Variants in SYT9 observed in about 807,000 individuals in gnomAD.
SYT9 encodes the protein synaptotagmin 9.
In SYT9, 22 loss-of-function variants were observed where a neutral mutation model predicts 48.4. That is an observed-to-expected ratio of 0.45 (90% confidence interval 0.32 to 0.65). The LOEUF (loss-of-function observed/expected upper bound fraction) is 0.65, where lower values mean the gene tolerates loss of function less well. Ranked by LOEUF, SYT9 falls within the 30% of genes least tolerant of loss-of-function variation. SYT9 has a pLI of 0.03. For missense variants in SYT9, 577 were observed against 622.0 expected, an observed-to-expected ratio of 0.93 and a Z score of 0.77; for synonymous variants, 265 against 245.0, an observed-to-expected ratio of 1.08 and a Z score of -0.76.
At chr11:7,314,592 G>A (rs7939239) in intron 3 of SYT9, among the ~76,000 whole-genome samples, 30,245 of 152,126 alleles carry the variant, frequency 0.2, 3,499 homozygotes, top group Non-Finnish European at 0.26. Flanking sequence ...GGTACCATAC[G>A]TCTATGTCTA....
chr11:7,245,753 A>G (rs929338898), intron 1 of SYT9, among the ~76,000 whole-genome samples: 20 of 152,212 alleles, frequency 1.3e-4, no homozygotes, highest in African/African-American at 4.6e-4. Flanking sequence ...CCCTTTTATA[A>G]CAGCATAATT....
intron 3 of SYT9, among the ~76,000 whole-genome samples, chr11:7,330,002 T>G (rs1849499223): frequency 6.6e-6 from 1 of 152,160 alleles, no homozygotes; most frequent in Non-Finnish European, 1.5e-5. Context: ...TATCCTTGTT[T>G]TCCTTATTTT....
At chr11:7,310,753 G>A (rs1008186417) in intron 2 of SYT9, among the ~76,000 whole-genome samples, 1 of 152,022 alleles carries the variant, frequency 6.6e-6, no homozygotes, top group African/African-American at 2.4e-5. Flanking sequence ...GCTTGTGATT[G>A]GTTTTTAAGA....
chr11:7,283,655 A>G (rs1564846763), intron 1 of SYT9, among the ~76,000 whole-genome samples: 1 of 152,192 alleles, frequency 6.6e-6, no homozygotes, highest in Admixed American at 6.5e-5. Flanking sequence ...ACTGATCCCA[A>G]TCGCATTAGC....
chr11:7,252,315 C>G lies in SYT9; in HGVS notation c.129C>G (p.Pro43=). 1 of 1,497,270 alleles carries G rather than the reference C, an allele frequency of 6.7e-7. No individual in the cohort carries two copies. Among genetic ancestry groups the G allele is most frequent in the Non-Finnish European group, 8.9e-7 (1 of 1,122,260 alleles). 92.7% of individuals were successfully genotyped at this position (1,497,270 alleles called of 1,614,324 possible). A position where few individuals can be genotyped will look rare whatever the true frequency, so the allele number is the denominator to read the frequency against. Residue 43 remains proline, a synonymous_variant, in exon 1 of 7, where the codon CCC becomes CCG. Transcript: ENST00000318881. The surrounding 1 kb of genome is among the most constrained non-coding windows in gnomAD (Gnocchi z 6.3). ...ACCACCTGCGGGACCGTGCCAGACC[C>G]CGGCTCCGCGACCCAGGTGAGTGCC... ...FIYHLRDRAR[P]RLRDPDISVS... is the part of the protein sequence containing the mutation.
intron 1 of SYT9, among the ~76,000 whole-genome samples, chr11:7,294,116 CTT>C (rs1360472116): frequency 1.3e-5 from 2 of 152,168 alleles, no homozygotes; most frequent in Non-Finnish European, 2.9e-5. Flanking sequence ...AGGGAACTCT[CTT>C]AAGTCTCTTT....
chr11:7,445,973 A>G (rs1847921798), intron 6 of SYT9, among the ~76,000 whole-genome samples: 1 of 152,236 alleles, frequency 6.6e-6, no homozygotes, highest in South Asian at 2.1e-4. Flanking sequence ...TGAAGTTACT[A>G]AAAAGCCCAG....
intron 1 of SYT9, among the ~76,000 whole-genome samples, chr11:7,270,513 T>A (rs917674692): frequency 6.6e-6 from 1 of 152,190 alleles, no homozygotes; most frequent in Non-Finnish European, 1.5e-5. Flanking sequence ...TGCTAATCAG[T>A]GAATTTCAAA....
At chr11:7,306,843 C>G (rs180862780) in intron 2 of SYT9, among the ~76,000 whole-genome samples, 17 of 152,304 alleles carry the variant, frequency 1.1e-4, no homozygotes, top group African/African-American at 2.9e-4. Context: ...TTGTACTCCC[C>G]TCTAGACTGA....
At chr11:7,240,250 A>C (rs1333035237) in intron 1 of SYT9, among the ~76,000 whole-genome samples, 1 of 152,150 alleles carries the variant, frequency 6.6e-6, no homozygotes, top group Non-Finnish European at 1.5e-5. Context: ...ACCCCATTCC[A>C]TTCCTGGCTG....
intron 3 of SYT9, among the ~76,000 whole-genome samples, chr11:7,339,923 T>A (rs772292837): frequency 1.3e-5 from 2 of 152,212 alleles, no homozygotes; most frequent in Non-Finnish European, 2.9e-5. Flanking sequence ...TTGGGGAAGT[T>A]TTCATGGACA....
At chr11:7,349,773 C>T (rs535077140) in intron 3 of SYT9, among the ~76,000 whole-genome samples, 7 of 152,296 alleles carry the variant, frequency 4.6e-5, no homozygotes, top group East Asian at 1.9e-4. Context: ...GTTCATTACT[C>T]GCCTAAGGCC....
At chr11:7,251,339 G>T (rs1229725029), upstream of SYT9, among the ~76,000 whole-genome samples, 1 of 152,142 alleles carries the variant, frequency 6.6e-6, no homozygotes, top group Non-Finnish European at 1.5e-5. Context: ...AAGCCTCAGG[G>T]TCTTTCCCAG....
chr11:7,297,311 C>G (rs1848832581), intron 1 of SYT9, among the ~76,000 whole-genome samples: 1 of 152,106 alleles, frequency 6.6e-6, no homozygotes, highest in Admixed American at 6.5e-5. Flanking sequence ...ATATAATAAA[C>G]TCCATGTACT....
chr11:7,352,556 G>A (rs566992696), intron 3 of SYT9, among the ~76,000 whole-genome samples: 37 of 152,340 alleles, frequency 2.4e-4, no homozygotes, highest in African/African-American at 8.9e-4. Flanking sequence ...AATAACAGAA[G>A]TGAAGCGTTA....
chr11:7,319,921 A>T (rs369240845), intron 3 of SYT9, among the ~76,000 whole-genome samples: 35 of 152,304 alleles, frequency 2.3e-4, no homozygotes, highest in African/African-American at 7.7e-4. Flanking sequence ...CTGGTCCGTC[A>T]GCTCTGCTAC....
intron 3 of SYT9, among the ~76,000 whole-genome samples, chr11:7,341,117 A>T (rs771102230): frequency 6.6e-6 from 1 of 152,124 alleles, no homozygotes; most frequent in Non-Finnish European, 1.5e-5. Context: ...GGGAGATTCT[A>T]CCCAGTGAAG....
intron 6 of SYT9, among the ~76,000 whole-genome samples, chr11:7,423,703 G>GTGTGT (rs1301924701): frequency 3.3e-5 from 5 of 152,156 alleles, no homozygotes; most frequent in Non-Finnish European, 7.3e-5. Context: ...TATCATCCAT[G>GTGTGT]TGTGTCATGG....
intron 3 of SYT9, among the ~76,000 whole-genome samples, chr11:7,368,082 C>T (rs1850285974): frequency 6.6e-6 from 1 of 152,164 alleles, no homozygotes; most frequent in Admixed American, 6.5e-5. Context: ...ACTCCAGAGG[C>T]CACACTCTAA....
Sources: allele counts gnomAD v4.1 joint callset (sites outside exome capture counted in the v4.1 genomes callset), GRCh38; gene constraint gnomAD v4.1.1; non-coding constraint Gnocchi (gnomAD v3.1); transcripts MANE v1.5; gene names NCBI Gene and HGNC (gene_info 2026-07-23, HGNC 2026-07-21).